Variants in MRPS5 observed in about 807,000 individuals in gnomAD.
MRPS5 encodes mitochondrial ribosomal protein S5.
Under a neutral mutation model 51.9 loss-of-function variants are expected in MRPS5, and 27 were observed. That is an observed-to-expected ratio of 0.52 (90% CI 0.38 to 0.72). The LOEUF (loss-of-function observed/expected upper bound fraction) is 0.72, where lower values mean the gene tolerates loss of function less well. Ranked by LOEUF, MRPS5 falls within the 30% of genes least tolerant of loss-of-function variation. MRPS5 has a pLI of 0.00. For synonymous variants in MRPS5, 196 were observed against 193.2 expected, an observed-to-expected ratio of 1.01 and a Z score of -0.12; for missense variants, 570 against 545.7, an observed-to-expected ratio of 1.04 and a Z score of -0.44.
intron 7 of MRPS5, among the ~76,000 whole-genome samples, chr2:95,103,232 C>G (rs1675854056): frequency 6.6e-6 from 1 of 152,208 alleles, no homozygotes; most frequent in South Asian, 2.1e-4. Context: ...ATGTCCTTAA[C>G]TTACAAAGAG....
chr2:95,098,580 C>T (rs1210878264), intron 10 of MRPS5, among the ~76,000 whole-genome samples: 1 of 152,054 alleles, frequency 6.6e-6, no homozygotes, highest in Non-Finnish European at 1.5e-5. Flanking sequence ...AGCAAACTAT[C>T]TCAAGGACAG....
At chr2:95,121,361 G>C (rs1676442814) in intron 1 of MRPS5, among the ~76,000 whole-genome samples, 1 of 152,212 alleles carries the variant, frequency 6.6e-6, no homozygotes, top group South Asian at 2.1e-4. Context: ...GTCTCCTAGA[G>C]ATAAACGTTA....
chr2:95,100,281 C>T (rs1211892394), intron 10 of MRPS5, among the ~76,000 whole-genome samples, 193 bp downstream of exon 10: 3 of 152,196 alleles, frequency 2.0e-5, no homozygotes, highest in African/African-American at 7.2e-5. Flanking sequence ...GGCCTGTGCT[C>T]ACAGTAGCCT....
At chr2:95,109,809 G>T in intron 4 of MRPS5, 107 bp downstream of exon 4, 2 of 1,265,356 alleles carry the variant, frequency 1.6e-6, no homozygotes, top group Non-Finnish European at 2.2e-6. Flanking sequence ...ATAGATCGTA[G>T]TGCCCTTCAT....
At chr2:95,097,011 G>A (rs1675646853) in intron 10 of MRPS5, among the ~76,000 whole-genome samples, 1 of 152,164 alleles carries the variant, frequency 6.6e-6, no homozygotes, top group African/African-American at 2.4e-5. Context: ...CAAAATCAAT[G>A]TGCAAAAATC....
At chr2:95,109,483 C>T (rs896075780) in intron 4 of MRPS5, among the ~76,000 whole-genome samples, 11 of 152,232 alleles carry the variant, frequency 7.2e-5, no homozygotes, top group African/African-American at 2.4e-4. Context: ...TGGAACATAA[C>T]GATGCCTATT....
chr2:95,090,637 T>C, intron 10 of MRPS5, 115 bp from the exon 11 acceptor site: 2 of 1,173,448 alleles, frequency 1.7e-6, no homozygotes, highest in African/African-American at 1.5e-5. Flanking sequence ...GTTCATATTC[T>C]GGTATCACCA....
At chr2:95,118,051 G>A (rs1676340691) in intron 1 of MRPS5, 106 bp from the exon 2 acceptor site, 4 of 794,448 alleles carry the variant, frequency 5.0e-6, no homozygotes, top group Non-Finnish European at 7.8e-6. Flanking sequence ...ACCAAGACGA[G>A]GGAGTAAGTA....
chr2:95,105,870 A>AT (rs1675934358), intron 6 of MRPS5, among the ~76,000 whole-genome samples: 7 of 152,258 alleles, frequency 4.6e-5, no homozygotes, highest in Admixed American at 4.6e-4. Flanking sequence ...TCCACATGGT[A>AT]TTTAACACTG....
At chr2:95,088,974 G>C (rs572205890) in intron 11 of MRPS5, among the ~76,000 whole-genome samples, 4 of 152,190 alleles carry the variant, frequency 2.6e-5, no homozygotes, top group Non-Finnish European at 4.4e-5. Context: ...GGCTGAGGCA[G>C]GAGAATCGCT....
intron 5 of MRPS5, among the ~76,000 whole-genome samples, chr2:95,107,692 A>G (rs561333828): frequency 3.0e-4 from 46 of 152,368 alleles, no homozygotes; most frequent in Non-Finnish European, 5.1e-4. Context: ...TTACTGCTTT[A>G]CATACTCACG....
intron 1 of MRPS5, among the ~76,000 whole-genome samples, chr2:95,121,231 T>TC (rs1676438158): frequency 6.6e-6 from 1 of 152,240 alleles, no homozygotes; most frequent in Non-Finnish European, 1.5e-5. Context: ...TGCAGCTAAA[T>TC]GAGTTTTAAA....
chr2:95,104,766 A>G, intron 6 of MRPS5, 36 bp from the exon 7 acceptor site: 1 of 1,602,008 alleles, frequency 6.2e-7, no homozygotes, highest in Non-Finnish European at 8.5e-7. Context: ...ATTGCACATT[A>G]AGAAAATCTG....
intron 3 of MRPS5, among the ~76,000 whole-genome samples, chr2:95,114,523 G>A (rs557286724): frequency 2.6e-5 from 4 of 152,090 alleles, no homozygotes; most frequent in South Asian, 2.1e-4. Context: ...GACCCGTCTC[G>A]GCCTCCCAAA....
intron 11 of MRPS5, among the ~76,000 whole-genome samples, chr2:95,087,807 G>C (rs2104388937): frequency 6.6e-6 from 1 of 152,276 alleles, no homozygotes; most frequent in South Asian, 2.1e-4. Context: ...TAGAGGAAGG[G>C]CCTTGGCCTC....
At chr2:95,093,710 C>T (rs1253368363) in intron 10 of MRPS5, 1 of 152,164 alleles carries the variant, frequency 6.6e-6, no homozygotes. Flanking sequence ...GACATCCACA[C>T]CAAAACCCCA....
Position 95,115,092 on chromosome 2 carries a change from T to C in MRPS5, c.251A>G (p.Tyr84Cys), listed in dbSNP as rs1676245916. 1.2e-6 allele frequency: 2 copies of C among 1,609,096 alleles called. No individual in the cohort carries two copies. Among genetic ancestry groups the C allele is most frequent in the Non-Finnish European group, 1.7e-6 (2 of 1,178,726 alleles). ...TTTAGTGAAGAAACTATATGGTCTA[T>C]ACTGCTGGCTCATCAGGTGACTGGG... ...SSPSHLMSQQ[Y>C]RPYSFFTKLT... is the part of the protein sequence containing the mutation. Residue 84 changes from tyrosine to cysteine, a missense_variant, in exon 3 of 12, where the codon TAT (tyrosine) becomes TGT (cysteine). By Grantham distance (194) the Tyr-to-Cys change is radical. Coordinates refer to ENST00000272418, the MANE Select transcript of MRPS5 (RefSeq NM_031902.5).
chr2:95,107,292 C>A (rs1675978190), intron 5 of MRPS5, among the ~76,000 whole-genome samples: 1 of 152,184 alleles, frequency 6.6e-6, no homozygotes, highest in Non-Finnish European at 1.5e-5. Flanking sequence ...ATGTCCCCAT[C>A]TCACTCTCCG....
intron 10 of MRPS5, 94 bp downstream of exon 10, chr2:95,100,380 G>C: frequency 1.1e-6 from 1 of 899,110 alleles, no homozygotes; most frequent in Non-Finnish European, 1.8e-6. Flanking sequence ...TCCAAGATGA[G>C]TTCAACTAAA....
Sources: allele counts gnomAD v4.1 joint callset (sites outside exome capture counted in the v4.1 genomes callset), GRCh38; gene constraint gnomAD v4.1.1; transcripts MANE v1.5; gene names NCBI Gene and HGNC (gene_info 2026-07-23, HGNC 2026-07-21).